The following PLK3 variants were observed in gnomAD, a reference collection of about 807,000 sequenced individuals.
PLK3 encodes the protein serine/threonine-protein kinase PLK3.
In PLK3, 41 loss-of-function variants were observed where a neutral mutation model predicts 71.6. The observed-to-expected ratio is 0.57, with a 90% confidence interval of 0.45 to 0.74. The LOEUF (loss-of-function observed/expected upper bound fraction) is 0.74, where lower values mean the gene tolerates loss of function less well. Ranked by LOEUF, PLK3 falls within the 30% of genes least tolerant of loss-of-function variation. The pLI is 0.00. For synonymous variants in PLK3, 366 were observed against 355.4 expected, an observed-to-expected ratio of 1.03 and a Z score of -0.33; for missense variants, 791 against 875.6, an observed-to-expected ratio of 0.90 and a Z score of 1.22.
rs1322080176 is a variant in PLK3 at position 44,802,842 on chromosome 1, C to G, written c.736C>G (p.Leu246Val). 1 of 1,613,738 alleles carries G rather than the reference C, an allele frequency of 6.2e-7. No homozygotes were observed. Among genetic ancestry groups the G allele is most frequent in the Non-Finnish European group, 8.5e-7 (1 of 1,179,624 alleles). The change falls in exon 6 of 15, where the codon CTG becomes GTG. Residue 246 changes from leucine (L) to valine (V), a missense_variant. Leu to Val is a conservative substitution (Grantham distance 32, BLOSUM62 1). Coordinates refer to ENST00000372201, the MANE Select transcript of PLK3 (RefSeq NM_004073.4). ...CGGCCCTGAGGCGGATGTATGGTCA[C>G]TGGGCTGTGTCATGTGAGTTGCAGG... The part of the protein sequence containing the change: ...GHGPEADVWS[L>V]GCVMYTLLCG...
Position 44,803,563 on chromosome 1 carries a change from G to A in PLK3, c.1073-37G>A, listed in dbSNP as rs765289745. 4 of 1,591,732 alleles carry A rather than the reference G, an allele frequency of 2.5e-6. No homozygotes were observed. The highest frequency in any genetic ancestry group is 3.4e-6 in the Non-Finnish European group (4 of 1,160,572). ...TCCCTGTCGGAAGTGGAGGGGCTGG[G>A]CAGGATACTGAGGACGGTATCACCT... On this transcript the variant is annotated intron_variant, in intron 8 of 14. Transcript: ENST00000372201. The surrounding 1 kb of genome is among the most constrained non-coding windows in gnomAD (Gnocchi z 4.3).
In PLK3 at chr1:44,801,686, G is replaced by T; in HGVS notation, c.500G>T (p.Arg167Leu). ...LLEPEVRYYL[R>L]QILSGLKYLH... ...GAGCCAGAAGTGCGCTACTACCTGCGGCAGATCCTTTCTGGCCTCAAGTAC... is the reference window on the plus strand; with the variant it reads ...GAGCCAGAAGTGCGCTACTACCTGCTGCAGATCCTTTCTGGCCTCAAGTAC... The change falls in exon 4 of 15, where the codon CGG (arginine) becomes CTG (leucine). Residue 167 changes from arginine to leucine, a missense_variant. Transcript: ENST00000372201. 6.2e-7 allele frequency: 1 copy of T among 1,613,690 alleles called. No individual in the cohort carries two copies. Among genetic ancestry groups the T allele is most frequent in the South Asian group, 1.1e-5 (1 of 91,064 alleles).
At position 44,801,121 on chromosome 1, in the gene PLK3, T is replaced by C; in HGVS notation, c.404T>C (p.Ile135Thr). The C allele has an allele frequency of 6.2e-7, 1 of 1,612,302 alleles. No individual in the cohort carries two copies. The highest frequency in any genetic ancestry group is 8.5e-7 in the Non-Finnish European group (1 of 1,179,280). ...CACCACTTTGAGGACGCTGACAACA[T>C]CTACATTTTCTTGGAGCTCTGCAGC... ...FSHHFEDADNIYIFLELCSRK... is the reference protein window; with the variant it reads ...FSHHFEDADNTYIFLELCSRK... The change falls in exon 3 of 15, where the codon ATC (isoleucine) becomes ACC (threonine). Residue 135 changes from isoleucine to threonine, a missense_variant. Physicochemically the swap from Ile to Thr is moderately conservative, Grantham distance 89. Coordinates refer to ENST00000372201, the MANE Select transcript of PLK3 (RefSeq NM_004073.4).
At position 44,803,728 on chromosome 1, in the gene PLK3, C is replaced by T. The variant is rs372807996; in HGVS notation, c.1164+37C>T. Reference sequence around the variant, plus strand: ...AGGTGGACACTGTTCCCCTGACTCACCCCCACCCTAGCAGCTGAGGGAAGC... The same window carrying T: ...AGGTGGACACTGTTCCCCTGACTCATCCCCACCCTAGCAGCTGAGGGAAGC... On this transcript the variant is annotated intron_variant, in intron 9 of 14. Transcript: ENST00000372201. This position sits in a 1 kb window ranked among gnomAD's most constrained non-coding sequence, Gnocchi z 4.3. 1.3e-6 allele frequency: 2 copies of T among 1,482,006 alleles called. No individual in the cohort carries two copies. Among genetic ancestry groups the T allele is most frequent in the South Asian group, 1.2e-5 (1 of 86,402 alleles). The allele number at this position is 1,482,006 out of a possible 1,614,324, so 91.8% of individuals were successfully genotyped here. A position where few individuals can be genotyped will look rare whatever the true frequency, so the allele number is the denominator to read the frequency against.
At position 44,803,109 on chromosome 1, in the gene PLK3, C is replaced by T. The variant is rs151022853; in HGVS notation, c.904C>T (p.Arg302Cys). 9.2e-5 allele frequency: 148 copies of T among 1,613,814 alleles called. No homozygotes were observed. Among genetic ancestry groups the T allele is most frequent in the Non-Finnish European group, 1.7e-5 (20 of 1,180,016 alleles). The change falls in exon 7 of 15, where the codon CGC (arginine) becomes TGC (cysteine). Residue 302 changes from arginine to cysteine, a missense_variant. Transcript: ENST00000372201. The surrounding 1 kb of genome is among the most constrained non-coding windows in gnomAD (Gnocchi z 4.3). ...CATCCTTCGGGCCTCACCCCGAGACCGCCCCTCTATTGACCAGATCCTGCG... is the reference window on the plus strand; with the variant it reads ...CATCCTTCGGGCCTCACCCCGAGACTGCCCCTCTATTGACCAGATCCTGCG... Reference protein sequence around the residue: ...AAILRASPRDRPSIDQILRHD... With the variant: ...AAILRASPRDCPSIDQILRHD...
chr1:44,805,093 G>A (rs541010008), intron 13 of PLK3, 173 bp from the exon 14 acceptor site: 116 of 595,566 alleles, frequency 1.9e-4, no homozygotes, highest in African/African-American at 1.3e-3. Flanking sequence ...GCAACAGAGC[G>A]AGACTCCATC....
rs1308550140 is a variant in PLK3, at chr1:44,801,605, G to A, written c.436-17G>A. On this transcript the variant is annotated splice_polypyrimidine_tract_variant and intron_variant, in intron 3 of 14. Transcript: ENST00000372201. ...GAGGGAGGGCTCACCAGGGGCTGAG[G>A]CAGTGGCTCTCTGCAGTCCCTGGCC... 5.0e-6 allele frequency: 8 copies of A among 1,611,818 alleles called. No homozygotes were observed. Among genetic ancestry groups the A allele is most frequent in the Non-Finnish European group, 6.8e-6 (8 of 1,178,832 alleles).
rs1651877566 is a variant in PLK3, at chr1:44,802,908, G to A, written c.750-47G>A. On this transcript the variant is annotated intron_variant, in intron 6 of 14. Coordinates refer to ENST00000372201, the MANE Select transcript of PLK3 (RefSeq NM_004073.4). Reference sequence around the variant, plus strand: ...CAGACAGGTGGTGGGTGTGTGGGTGGAGCATCTCCTCCACTTTACTCCTGA... The same window carrying A: ...CAGACAGGTGGTGGGTGTGTGGGTGAAGCATCTCCTCCACTTTACTCCTGA... 5 of 1,607,014 alleles carry A rather than the reference G, an allele frequency of 3.1e-6. No homozygotes were observed. In the South Asian group the frequency reaches 4.4e-5, roughly 14 times the overall value.
Position 44,800,625 on chromosome 1 carries a change from GGACCCGCGCA to G in PLK3, c.164_173del (p.Asp55AlafsTer51). The G allele has an allele frequency of 6.5e-7, 1 of 1,541,982 alleles. No homozygotes were observed. Among genetic ancestry groups the G allele is most frequent in the Non-Finnish European group, 8.7e-7 (1 of 1,147,224 alleles). ...CGTCAGACCCCGGGCGCCTCATCAC[GGACCCGCGCA>G]GCGGCCGCACCTACCTCAAAGGCCG... is the stretch of plus-strand genomic sequence containing the variant. On this transcript the variant is annotated frameshift_variant, in exon 1 of 15. Transcript: ENST00000372201. LOFTEE classifies it high-confidence loss of function. The surrounding 1 kb of genome is among the most constrained non-coding windows in gnomAD (Gnocchi z 6.5).
At position 44,800,412 on chromosome 1, in the gene PLK3, C is replaced by T; in HGVS notation, c.-52C>T. ...AAATCCAGGCAGCGCCACGCGCGGC[C>T]GGGGCCGGGCGGAACCGAGAAGCCG... is the stretch of plus-strand genomic sequence containing the variant. On this transcript the variant is annotated 5_prime_UTR_variant, in exon 1 of 15. Transcript: ENST00000372201. The surrounding 1 kb of genome is among the most constrained non-coding windows in gnomAD (Gnocchi z 6.5). 2 of 1,251,876 alleles carry T rather than the reference C, an allele frequency of 1.6e-6. No individual in the cohort carries two copies. 77.5% of individuals were successfully genotyped at this position (1,251,876 alleles called of 1,614,324 possible). A position where few individuals can be genotyped will look rare whatever the true frequency, so the allele number is the denominator to read the frequency against.
chr1:44,803,844 C>A lies in PLK3; in HGVS notation c.1165-87C>A, dbSNP rs1349287987. On this transcript the variant is annotated intron_variant, in intron 9 of 14. Transcript: ENST00000372201. This position sits in a 1 kb window ranked among gnomAD's most constrained non-coding sequence, Gnocchi z 4.3. ...CCTGGCGGGGCTGACCTGGGGTGCC[C>A]TGGGAGCCAGGGCAGGGCCAGGCCA... 5.0e-6 allele frequency: 6 copies of A among 1,205,930 alleles called. No individual in the cohort carries two copies. The highest frequency in any genetic ancestry group is 1.5e-5 in the African/African-American group (1 of 66,278). The allele number at this position is 1,205,930 out of a possible 1,614,324, so 74.7% of individuals were successfully genotyped here.
Position 44,802,760 on chromosome 1 carries a change from G to T in PLK3, c.654G>T (p.Lys218Asn). 1.9e-6 allele frequency: 3 copies of T among 1,611,434 alleles called. No individual in the cohort carries two copies. The highest frequency in any genetic ancestry group is 2.5e-6 in the Non-Finnish European group (3 of 1,178,434). ...TCTCCTCCTCCCCACCCTCTTTCAG[G>T]ACCATCTGTGGCACCCCCAACTATG... ...ARLEPPEQRKKTICGTPNYVA... is the reference protein window; with the variant it reads ...ARLEPPEQRKNTICGTPNYVA... The change falls in exon 6 of 15, where the codon AAG becomes AAT. Residue 218 changes from lysine to asparagine, a missense_variant and splice_region_variant. By Grantham distance (94) the Lys-to-Asn change is moderately conservative. Transcript: ENST00000372201.
In PLK3 at chr1:44,803,283, C is replaced by T. The variant is rs763486117; in HGVS notation, c.964C>T (p.Arg322Ter). ...CCCTCCCTAGGGCTACACCCCCGATCGACTCCCTATCAGCAGCTGCGTGAC... is the reference window on the plus strand; with the variant it reads ...CCCTCCCTAGGGCTACACCCCCGATTGACTCCCTATCAGCAGCTGCGTGAC... ...DFFTKGYTPD[R>*]LPISSCVTVP... The change falls in exon 8 of 15, where the codon CGA becomes TGA. Residue 322 changes from arginine to a stop codon, truncating the protein, a stop_gained. Transcript: ENST00000372201. LOFTEE classifies it high-confidence loss of function. This position sits in a 1 kb window ranked among gnomAD's most constrained non-coding sequence, Gnocchi z 4.3. 15 of 1,614,106 alleles carry T rather than the reference C, an allele frequency of 9.3e-6. No homozygotes were observed. The highest frequency in any genetic ancestry group is 1.7e-5 in the Admixed American group (1 of 60,002).
Position 44,805,791 on chromosome 1 carries a change from G to A in PLK3, c.*113G>A, listed in dbSNP as rs1431647811. 7.5e-7 allele frequency: 1 copy of A among 1,326,408 alleles called. No individual in the cohort carries two copies. The highest frequency in any genetic ancestry group is 2.5e-5 in the East Asian group (1 of 40,006). 82.2% of individuals were successfully genotyped at this position (1,326,408 alleles called of 1,614,324 possible). A position where few individuals can be genotyped will look rare whatever the true frequency, so the allele number is the denominator to read the frequency against. On this transcript the variant is annotated 3_prime_UTR_variant, in exon 15 of 15. Transcript: ENST00000372201. The stretch of plus-strand genomic sequence containing the variant: ...GGGGCTTTGGGCCGAATCCCCCAGG[G>A]AATCAGGGACCAGCTTTACTGGAGT...
chr1:44,804,397 G>A lies in PLK3; in HGVS notation c.1401G>A (p.Trp467Ter). The A allele has an allele frequency of 1.2e-6, 2 of 1,614,192 alleles. No homozygotes were observed. The highest frequency in any genetic ancestry group is 4.5e-5 in the East Asian group (2 of 44,880). ...AGCCTCTGGTGTGGGTCAGCAAGTG[G>A]GTTGACTACTCCAATAAGTTCGGCT... ...QPEPLVWVSK[W>*]VDYSNKFGFG... The change falls in exon 12 of 15, where the codon TGG (tryptophan) becomes TGA (stop). Residue 467 changes from tryptophan to a stop codon, truncating the protein, a stop_gained. Coordinates refer to ENST00000372201, the MANE Select transcript of PLK3 (RefSeq NM_004073.4). LOFTEE classifies it high-confidence loss of function.
chr1:44,800,876 G>A lies in PLK3; in HGVS notation c.247G>A (p.Glu83Lys). ...FARCYEATDT[E>K]TGSAYAVKVI... ...CCGCTGCTACGAGGCCACTGACACAGAGACTGGCAGCGCCTACGCTGTCAA... is the reference window on the plus strand; with the variant it reads ...CCGCTGCTACGAGGCCACTGACACAAAGACTGGCAGCGCCTACGCTGTCAA... Residue 83 changes from glutamate (E) to lysine (K), a missense_variant, in exon 2 of 15, where the codon GAG becomes AAG. By Grantham distance (56) the Glu-to-Lys change is moderately conservative. Transcript: ENST00000372201. The surrounding 1 kb of genome is among the most constrained non-coding windows in gnomAD (Gnocchi z 6.5). 1 of 1,611,816 alleles carries A rather than the reference G, an allele frequency of 6.2e-7. No homozygotes were observed. Among genetic ancestry groups the A allele is most frequent in the Non-Finnish European group, 8.5e-7 (1 of 1,179,848 alleles).
chr1:44,802,185 G>T (rs902002459), intron 5 of PLK3, among the ~76,000 whole-genome samples: 1 of 152,116 alleles, frequency 6.6e-6, no homozygotes, highest in East Asian at 1.9e-4. Flanking sequence ...ACAGATGGGG[G>T]TATACAGATT....
Position 44,801,757 on chromosome 1 carries a change from A to G in PLK3, c.565+6A>G. 1 of 1,380,312 alleles carries G rather than the reference A, an allele frequency of 7.2e-7. No individual in the cohort carries two copies. The highest frequency in any genetic ancestry group is 1.7e-5 in the African/African-American group (1 of 59,526). 85.5% of individuals were successfully genotyped at this position (1,380,312 alleles called of 1,614,324 possible). A position where few individuals can be genotyped will look rare whatever the true frequency, so the allele number is the denominator to read the frequency against. On this transcript the variant is annotated splice_donor_region_variant and intron_variant, in intron 4 of 14. Coordinates refer to ENST00000372201, the MANE Select transcript of PLK3 (RefSeq NM_004073.4). ...GCACCGGGACCTCAAGTTGGGTGAG[A>G]CTCCTGAGCCTGGAGGATGGGAGGT...
At position 44,805,786 on chromosome 1, in the gene PLK3, C is replaced by G. The variant is rs1439101865; in HGVS notation, c.*108C>G. On this transcript the variant is annotated 3_prime_UTR_variant, in exon 15 of 15. Coordinates refer to ENST00000372201, the MANE Select transcript of PLK3 (RefSeq NM_004073.4). ...CACTGGGGGCTTTGGGCCGAATCCC[C>G]CAGGGAATCAGGGACCAGCTTTACT... is the stretch of plus-strand genomic sequence containing the variant. 19 of 1,350,530 alleles carry G rather than the reference C, an allele frequency of 1.4e-5. No homozygotes were observed. The highest frequency in any genetic ancestry group is 1.9e-5 in the Non-Finnish European group (19 of 1,001,074). The allele number at this position is 1,350,530 out of a possible 1,614,324, so 83.7% of individuals were successfully genotyped here. A position where few individuals can be genotyped will look rare whatever the true frequency, so the allele number is the denominator to read the frequency against.
Sources: gnomAD v4.1 joint callset for allele counts (sites outside exome capture counted in the v4.1 genomes callset) on GRCh38, gnomAD v4.1.1 for gene constraint, Gnocchi (gnomAD v3.1) non-coding constraint, MANE v1.5 for transcripts, NCBI Gene and HGNC (gene_info 2026-07-23, HGNC 2026-07-21) for gene names.